Variants in CHST8 observed in about 807,000 individuals in gnomAD.
CHST8 encodes carbohydrate sulfotransferase 8.
Under a neutral mutation model 15.0 loss-of-function variants are expected in CHST8, and 10 were observed. The ratio of observed to expected loss-of-function variants is 0.67; its 90% CI spans 0.41 to 1.13. CHST8 has a LOEUF of 1.13. Ranked by LOEUF, CHST8 falls within the 50% of genes most tolerant of loss-of-function variation. CHST8 has a pLI of 0.00. For missense variants in CHST8, 634 were observed against 608.2 expected, an observed-to-expected ratio of 1.04 and a Z score of -0.45; for synonymous variants, 259 against 256.6, an observed-to-expected ratio of 1.01 and a Z score of -0.09.
chr19:33,659,660 A>C (rs776442446), intron 1 of CHST8, among the ~76,000 whole-genome samples: 2 of 152,068 alleles, frequency 1.3e-5, no homozygotes, highest in African/African-American at 2.4e-5. Flanking sequence ...AAATTAAAAA[A>C]ATAACCAGGA....
intron 1 of CHST8, among the ~76,000 whole-genome samples, chr19:33,655,328 C>T (rs564972688): frequency 3.3e-5 from 5 of 152,308 alleles, no homozygotes; most frequent in African/African-American, 1.2e-4. Context: ...TGAGCCACCG[C>T]GCCCAGCCTT....
At chr19:33,661,395 T>C (rs1972582781) in intron 1 of CHST8, among the ~76,000 whole-genome samples, 1 of 152,232 alleles carries the variant, frequency 6.6e-6, no homozygotes, top group South Asian at 2.1e-4. Flanking sequence ...AGCTCATGTA[T>C]GCGACCCAGT....
chr19:33,741,292 A>G, intron 3 of CHST8, among the ~76,000 whole-genome samples: 1 of 152,216 alleles, frequency 6.6e-6, no homozygotes, highest in African/African-American at 2.4e-5. Flanking sequence ...GTTGTATGTC[A>G]GGTTCCCTGG....
At chr19:33,649,734 G>A (rs560291981) in intron 1 of CHST8, among the ~76,000 whole-genome samples, 7 of 152,256 alleles carry the variant, frequency 4.6e-5, no homozygotes, top group Non-Finnish European at 7.4e-5. Context: ...TCTGTAAACC[G>A]GCCAGAACCA....
At chr19:33,762,173 G>A (rs1974745154) in intron 3 of CHST8, among the ~76,000 whole-genome samples, 1 of 152,226 alleles carries the variant, frequency 6.6e-6, no homozygotes, top group South Asian at 2.1e-4. Flanking sequence ...CCTGAACACT[G>A]TAGAGGTCAC....
At chr19:33,763,548 C>G (rs898027713) in intron 3 of CHST8, among the ~76,000 whole-genome samples, 3 of 152,136 alleles carry the variant, frequency 2.0e-5, no homozygotes, top group Admixed American at 2.0e-4. Flanking sequence ...AGCAGGTGGC[C>G]GTGACTGTGA....
rs149569404 is a variant in CHST8, at chr19:33,735,633, C to T, written c.131-35780C>T. 6.5e-3 allele frequency among the ~76,000 whole-genome samples: 990 copies of T among 152,292 alleles called. 14 individuals are homozygous for T. Among genetic ancestry groups the T allele is most frequent in the African/African-American group, 0.023 (947 of 41,556 alleles). On this transcript the variant is annotated intron_variant, in intron 3 of 4. Coordinates refer to ENST00000650847, the MANE Select transcript of CHST8 (RefSeq NM_001127895.2). Reference sequence around the variant, plus strand: ...CTTGAGGTCAGAAGTTCAAGACCAGCCTGACCAACATGGTGAAACCCTGTG... The same window carrying T: ...CTTGAGGTCAGAAGTTCAAGACCAGTCTGACCAACATGGTGAAACCCTGTG...
At chr19:33,727,172 T>C (rs952837028) in intron 3 of CHST8, among the ~76,000 whole-genome samples, 1 of 151,442 alleles carries the variant, frequency 6.6e-6, no homozygotes, top group Non-Finnish European at 1.5e-5. Context: ...CCACCTCCCT[T>C]TCTTCAAATG....
intron 3 of CHST8, among the ~76,000 whole-genome samples, chr19:33,727,094 G>A (rs1436914532): frequency 6.6e-6 from 1 of 151,690 alleles, no homozygotes; most frequent in Non-Finnish European, 1.5e-5. Flanking sequence ...ATCCACAGTC[G>A]CCCGGGAGCC....
At chr19:33,710,030 GT>G (rs1257448691) in intron 3 of CHST8, among the ~76,000 whole-genome samples, 19 of 152,046 alleles carry the variant, frequency 1.2e-4, no homozygotes, top group African/African-American at 4.6e-4. Flanking sequence ...TTCTATTCAG[GT>G]TTTCTATTTC....
chr19:33,651,894 G>C (rs903053118), intron 1 of CHST8, among the ~76,000 whole-genome samples: 3 of 152,072 alleles, frequency 2.0e-5, no homozygotes, highest in Non-Finnish European at 4.4e-5. Flanking sequence ...AGTCTATATA[G>C]ATCGGTACCT....
chr19:33,651,876 C>T (rs1056092002), intron 1 of CHST8, among the ~76,000 whole-genome samples: 5 of 152,060 alleles, frequency 3.3e-5, no homozygotes, highest in South Asian at 4.1e-4. Context: ...CTAATAGTTG[C>T]GTTCAGAAGT....
At chr19:33,688,440 T>C (rs1973028407) in intron 2 of CHST8, among the ~76,000 whole-genome samples, 1 of 152,152 alleles carries the variant, frequency 6.6e-6, no homozygotes, top group African/African-American at 2.4e-5. Context: ...GCCTCTGAGC[T>C]TGGAGTCTGT....
At chr19:33,762,861 TCTC>T (rs143313233) in intron 3 of CHST8, among the ~76,000 whole-genome samples, 18,230 of 148,740 alleles carry the variant, frequency 0.12, 1,266 homozygotes, top group Admixed American at 0.15. Flanking sequence ...CTCAGTTTTC[TCTC>T]TTTTTTTTTT....
intron 1 of CHST8, among the ~76,000 whole-genome samples, chr19:33,657,067 C>T (rs1022259114): frequency 1.5e-4 from 22 of 151,088 alleles, no homozygotes. Context: ...CCTGTTAAAA[C>T]CTTCCATTTT....
chr19:33,681,255 C>T (rs1972884472), intron 2 of CHST8, among the ~76,000 whole-genome samples: 1 of 152,208 alleles, frequency 6.6e-6, no homozygotes, highest in Admixed American at 6.5e-5. Flanking sequence ...AGGTGGAACT[C>T]ACCTCAGCCA....
chr19:33,751,549 T>G (rs1271676398), intron 3 of CHST8, among the ~76,000 whole-genome samples: 2 of 152,178 alleles, frequency 1.3e-5, no homozygotes, highest in Non-Finnish European at 2.9e-5. Flanking sequence ...GCTTTTCTGA[T>G]GGTGGACACT....
chr19:33,655,473 TTC>T (rs1319930660), intron 1 of CHST8, among the ~76,000 whole-genome samples: 2 of 152,224 alleles, frequency 1.3e-5, no homozygotes, highest in Admixed American at 1.3e-4. Flanking sequence ...TAGGAAGTTT[TTC>T]TCTTTTCTTC....
chr19:33,733,080 G>T (rs192535589), intron 3 of CHST8, among the ~76,000 whole-genome samples: 1 of 152,198 alleles, frequency 6.6e-6, no homozygotes. Flanking sequence ...CAAGTGGTTG[G>T]TCTTTCTGGT....
Sources: gnomAD v4.1 joint callset for allele counts (sites outside exome capture counted in the v4.1 genomes callset) on GRCh38, gnomAD v4.1.1 for gene constraint, MANE v1.5 for transcripts, NCBI Gene and HGNC (gene_info 2026-07-23, HGNC 2026-07-21) for gene names.